The following MND1 variants were observed in gnomAD, a reference collection of about 807,000 sequenced individuals.
The protein encoded by MND1 is meiotic nuclear division protein 1 homolog.
A neutral mutation model predicts 35.1 loss-of-function variants in MND1; 28 were observed. The ratio of observed to expected loss-of-function variants is 0.80; its 90% CI spans 0.59 to 1.09. The LOEUF (loss-of-function observed/expected upper bound fraction) is 1.09. MND1 is among the 50% of genes least tolerant of loss of function. MND1 has a pLI of 0.00. For synonymous variants in MND1, 69 were observed against 70.5 expected, an observed-to-expected ratio of 0.98 and a Z score of 0.11; for missense variants, 213 against 239.6, an observed-to-expected ratio of 0.89 and a Z score of 0.73.
chr4:153,400,801 A>G (rs960179988), intron 6 of MND1, among the ~76,000 whole-genome samples: 1 of 152,214 alleles, frequency 6.6e-6, no homozygotes, highest in Non-Finnish European at 1.5e-5. Context: ...GTGGGAAAAC[A>G]TTATCTATAA....
intron 6 of MND1, among the ~76,000 whole-genome samples, chr4:153,405,950 C>T (rs1729496067): frequency 6.6e-6 from 1 of 151,894 alleles, no homozygotes. Context: ...ACTACAGGCG[C>T]CCACCACCAC....
intron 4 of MND1, among the ~76,000 whole-genome samples, chr4:153,375,021 A>G (rs1490609207): frequency 2.6e-5 from 4 of 152,224 alleles, no homozygotes; most frequent in South Asian, 2.1e-4. Flanking sequence ...AATTCCTGAT[A>G]TAGTTAATTA....
At chr4:153,345,170 C>T (rs1027976209) in intron 1 of MND1, among the ~76,000 whole-genome samples, 2 of 152,090 alleles carry the variant, frequency 1.3e-5, no homozygotes, top group African/African-American at 4.8e-5. Flanking sequence ...TAGCCCCCCC[C>T]ATTAAGAACG....
chr4:153,404,174 CTTTT>C (rs71598277), intron 6 of MND1, among the ~76,000 whole-genome samples: 25 of 73,782 alleles, frequency 3.4e-4, no homozygotes, highest in African/African-American at 1.3e-3. Flanking sequence ...AAAATTGGTT[CTTTT>C]TTTTTTTTTT....
At chr4:153,391,663 G>A (rs530092274) in intron 4 of MND1, among the ~76,000 whole-genome samples, 1 of 151,098 alleles carries the variant, frequency 6.6e-6, no homozygotes, top group East Asian at 2.0e-4. Context: ...GGAGGCGGAG[G>A]TTACAGTGAG....
At chr4:153,390,525 C>A (rs1478058578) in intron 4 of MND1, among the ~76,000 whole-genome samples, 1 of 151,958 alleles carries the variant, frequency 6.6e-6, no homozygotes, top group Non-Finnish European at 1.5e-5. Flanking sequence ...TGTATAGTAC[C>A]TGAAAGACTC....
chr4:153,370,385 A>G (rs1773761435), intron 4 of MND1, among the ~76,000 whole-genome samples: 1 of 151,960 alleles, frequency 6.6e-6, no homozygotes, highest in African/African-American at 2.4e-5. Context: ...TATTCTTGCC[A>G]TTTCCACCAC....
chr4:153,388,216 G>C (rs781700890), intron 4 of MND1, among the ~76,000 whole-genome samples: 1 of 152,192 alleles, frequency 6.6e-6, no homozygotes, highest in Non-Finnish European at 1.5e-5. Flanking sequence ...TAGGCTGGGC[G>C]TGGTGGCTCA....
intron 6 of MND1, among the ~76,000 whole-genome samples, chr4:153,399,421 TA>T (rs1173998352): frequency 6.6e-6 from 1 of 152,192 alleles, no homozygotes; most frequent in Non-Finnish European, 1.5e-5. Flanking sequence ...TTAGGCTTAC[TA>T]AACTACTGTA....
Position 153,352,765 on chromosome 4 carries a change from AAAAC to A in MND1, c.69+2638_69+2641del, listed in dbSNP as rs1478797237. Among the ~76,000 whole-genome samples the A allele has an allele frequency of 3.3e-3, 494 of 151,698 alleles. 2 individuals are homozygous for A. The highest frequency in any genetic ancestry group is 0.011 in the African/African-American group (454 of 41,292). On this transcript the variant is annotated intron_variant, in intron 2 of 7. Transcript: ENST00000240488. The stretch of plus-strand genomic sequence containing the variant: ...CTATCTTAAAAAAAAAAAAAAAAAA[AAAAC>A]ACAACGATATTATCTAGGATTATAT...
intron 4 of MND1, among the ~76,000 whole-genome samples, chr4:153,375,101 A>G (rs991506566): frequency 6.6e-6 from 1 of 152,168 alleles, no homozygotes; most frequent in Admixed American, 6.5e-5. Flanking sequence ...TGTCTTTGCT[A>G]TGGGTCCTAA....
chr4:153,377,743 G>A (rs1044209895), intron 4 of MND1, among the ~76,000 whole-genome samples: 6 of 152,276 alleles, frequency 3.9e-5, no homozygotes, highest in East Asian at 1.9e-4. Flanking sequence ...GCACTATAGC[G>A]CAGTGATTTA....
At chr4:153,399,955 G>A (rs1034018244) in intron 6 of MND1, among the ~76,000 whole-genome samples, 20 of 124,402 alleles carry the variant, frequency 1.6e-4, no homozygotes, top group Admixed American at 6.4e-4. Context: ...AGACTGAAGT[G>A]CAGTGCATGA....
chr4:153,349,094 CTTTT>C (rs56180318), intron 1 of MND1, among the ~76,000 whole-genome samples: 1 of 137,556 alleles, frequency 7.3e-6, no homozygotes, highest in Non-Finnish European at 1.6e-5. Flanking sequence ...AGTTCTCACT[CTTTT>C]TTTTTTTTTT....
At chr4:153,395,879 ATTTTG>A (rs1443730354) in intron 5 of MND1, among the ~76,000 whole-genome samples, 1 of 151,500 alleles carries the variant, frequency 6.6e-6, no homozygotes, top group Non-Finnish European at 1.5e-5. Context: ...TCTCCTCTTG[ATTTTG>A]TTTTGTTTTT....
chr4:153,364,889 A>G (rs3943676), intron 4 of MND1, among the ~76,000 whole-genome samples: 27,332 of 152,094 alleles, frequency 0.18, 2,573 homozygotes, highest in African/African-American at 0.22. Context: ...ATTCTGACGA[A>G]TGCTACAAAA....
At chr4:153,357,990 C>T (rs1773387508) in intron 3 of MND1, among the ~76,000 whole-genome samples, 2 of 152,148 alleles carry the variant, frequency 1.3e-5, no homozygotes. Context: ...ATGCTAGCAT[C>T]TTCTATTACT....
chr4:153,374,972 CA>C (rs1221090502), intron 4 of MND1, among the ~76,000 whole-genome samples: 1 of 152,134 alleles, frequency 6.6e-6, no homozygotes, highest in African/African-American at 2.4e-5. Flanking sequence ...ATGAGGTTCA[CA>C]TCCAGAGAAT....
intron 1 of MND1, among the ~76,000 whole-genome samples, chr4:153,348,753 C>T (rs980732390): frequency 3.9e-5 from 6 of 152,182 alleles, no homozygotes; most frequent in Non-Finnish European, 7.4e-5. Context: ...TCAAGTGATC[C>T]TCCAGCCTCA....
Sources: allele counts gnomAD v4.1 joint callset (sites outside exome capture counted in the v4.1 genomes callset), GRCh38; gene constraint gnomAD v4.1.1; transcripts MANE v1.5; gene names NCBI Gene and HGNC (gene_info 2026-07-23, HGNC 2026-07-21).